The following ERC1 variants were observed in gnomAD, a reference collection of about 807,000 sequenced individuals.
ERC1 encodes ELKS/RAB6-interacting/CAST family member 1.
ERC1 carries 56 observed loss-of-function variants against 132.0 expected under a neutral mutation model. That is an observed-to-expected ratio of 0.42 (90% CI 0.34 to 0.53). ERC1 has a LOEUF of 0.53. Among genes scored for constraint, ERC1 ranks in the 20% least tolerant of loss-of-function variants. The pLI is 0.03. For synonymous variants in ERC1, 478 were observed against 476.1 expected (o/e 1.00, Z -0.05); for missense variants, 1,202 against 1,349.9 (o/e 0.89, Z 1.72).
intron 14 of ERC1, among the ~76,000 whole-genome samples, chr12:1,287,744 T>A (rs1396289191): frequency 6.6e-6 from 1 of 152,206 alleles, no homozygotes; most frequent in Non-Finnish European, 1.5e-5. Context: ...TGGATTTGGG[T>A]TGGAACTATG....
intron 16 of ERC1, chr12:1,380,804 A>C (rs1408983201): frequency 1.3e-5 from 2 of 152,270 alleles, no homozygotes; most frequent in Non-Finnish European, 2.9e-5. Flanking sequence ...CATACTATTA[A>C]AACTGTTTTA....
intron 18 of ERC1, among the ~76,000 whole-genome samples, chr12:1,477,297 G>A (rs371417490): frequency 1.3e-5 from 2 of 152,142 alleles, no homozygotes; most frequent in African/African-American, 4.8e-5. Context: ...AATAATACTT[G>A]GCCCATAATA....
At chr12:1,026,330 G>GA (rs1282034965) in intron 1 of ERC1, among the ~76,000 whole-genome samples, 3 of 152,182 alleles carry the variant, frequency 2.0e-5, no homozygotes, top group Admixed American at 2.0e-4. Context: ...CCCCACCCTT[G>GA]ATACATGAAG....
intron 11 of ERC1, among the ~76,000 whole-genome samples, chr12:1,185,365 CT>C (rs141857684): frequency 2.4e-4 from 35 of 148,140 alleles, no homozygotes; most frequent in East Asian, 5.9e-4. Flanking sequence ...ATGCTTAATG[CT>C]TTTTTTTTTC....
Position 1,110,281 on chromosome 12 carries a change from G to C in ERC1, c.1251G>C (p.Glu417Asp). ...AATCGAATGGTGCTTTGAGTACTGAGGAAAGGGAAGAAGAAATGAAGCAAA... is the reference window on the plus strand; with the variant it reads ...AATCGAATGGTGCTTTGAGTACTGACGAAAGGGAAGAAGAAATGAAGCAAA... ...MLKSNGALST[E>D]EREEEMKQME... Residue 417 changes from glutamate (E) to aspartate (D), a missense_variant, in exon 5 of 19, where the codon GAG (glutamate) becomes GAC (aspartate). Physicochemically the swap from Glu to Asp is conservative, Grantham distance 45. Coordinates refer to ENST00000360905, the MANE Select transcript of ERC1 (RefSeq NM_178040.4). 6.2e-7 allele frequency: 1 copy of C among 1,613,518 alleles called. No homozygotes were observed. Among genetic ancestry groups the C allele is most frequent in the Non-Finnish European group, 8.5e-7 (1 of 1,179,710 alleles).
intron 13 of ERC1, among the ~76,000 whole-genome samples, chr12:1,256,592 CTATTTA>C: frequency 6.6e-6 from 1 of 150,512 alleles, no homozygotes. Flanking sequence ...TGGTGTTGAA[CTATTTA>C]TGAATACGTT....
At chr12:1,400,223 A>G (rs572262749) in intron 16 of ERC1, among the ~76,000 whole-genome samples, 1 of 152,192 alleles carries the variant, frequency 6.6e-6, no homozygotes, top group South Asian at 2.1e-4. Context: ...CTATTTGTGA[A>G]TCTTCTTTGT....
intron 2 of ERC1, among the ~76,000 whole-genome samples, chr12:1,065,452 G>A (rs1396378157): frequency 7.3e-6 from 1 of 136,242 alleles, no homozygotes; most frequent in Non-Finnish European, 1.6e-5. Flanking sequence ...TTTCACTGAT[G>A]AATTGTTTTC....
chr12:1,347,511 T>C lies in ERC1; in HGVS notation c.2781-24322T>C, dbSNP rs145342342. Among the ~76,000 whole-genome samples the C allele has an allele frequency of 2.6e-3, 389 of 152,336 alleles. 1 individual carries two copies. The highest frequency in any genetic ancestry group is 0.02 in the Middle Eastern group (6 of 294). On this transcript the variant is annotated intron_variant, in intron 15 of 18. Coordinates refer to ENST00000360905, the MANE Select transcript of ERC1 (RefSeq NM_178040.4). Reference sequence around the variant, plus strand: ...ACTTAAAATCTATACTCAGCAATTTTCAAGATGTAGTAATTTCTATATAGA... The same window carrying C: ...ACTTAAAATCTATACTCAGCAATTTCCAAGATGTAGTAATTTCTATATAGA...
intron 18 of ERC1, among the ~76,000 whole-genome samples, chr12:1,451,484 A>G (rs115923428): frequency 0.013 from 2,016 of 152,070 alleles, 45 homozygotes; most frequent in African/African-American, 0.047. Flanking sequence ...ATTTAGCTGG[A>G]TACAGTGGTG....
chr12:1,179,750 G>A (rs538637339), intron 8 of ERC1, among the ~76,000 whole-genome samples: 3 of 152,138 alleles, frequency 2.0e-5, no homozygotes, highest in East Asian at 3.9e-4. Context: ...CTCGTGATCT[G>A]CCCGCCTCGG....
At chr12:1,441,849 T>G (rs923971515) in intron 17 of ERC1, among the ~76,000 whole-genome samples, 38 of 152,190 alleles carry the variant, frequency 2.5e-4, no homozygotes, top group African/African-American at 8.4e-4. Flanking sequence ...GCACAGAGTG[T>G]GCTTGCATTT....
chr12:1,014,442 T>C (rs1434857559), intron 1 of ERC1, among the ~76,000 whole-genome samples: 2 of 151,920 alleles, frequency 1.3e-5, no homozygotes, highest in Non-Finnish European at 2.9e-5. Context: ...TCTCAAAGTG[T>C]TGGGATTACA....
intron 1 of ERC1, among the ~76,000 whole-genome samples, chr12:992,968 A>T (rs1959949443): frequency 6.6e-6 from 1 of 152,240 alleles, no homozygotes; most frequent in Admixed American, 6.5e-5. Flanking sequence ...CTTGTAACCC[A>T]AAAGAGAAAT....
At chr12:1,393,884 C>T (rs1442968245) in intron 16 of ERC1, among the ~76,000 whole-genome samples, 7 of 150,800 alleles carry the variant, frequency 4.6e-5, no homozygotes, top group African/African-American at 9.7e-5. Flanking sequence ...AGTGTGGTGG[C>T]GGGCGCCTGT....
intron 17 of ERC1, among the ~76,000 whole-genome samples, chr12:1,421,292 C>T (rs1243757284): frequency 6.6e-6 from 1 of 152,176 alleles, no homozygotes; most frequent in Non-Finnish European, 1.5e-5. Context: ...ACTGAGACAG[C>T]AGCATTGCAG....
intron 16 of ERC1, among the ~76,000 whole-genome samples, chr12:1,373,399 G>T (rs897636250): frequency 6.6e-6 from 1 of 152,178 alleles, no homozygotes; most frequent in Non-Finnish European, 1.5e-5. Context: ...AAATAGAATT[G>T]AATATCTAGC....
At chr12:1,392,233 C>T (rs1207887479) in intron 16 of ERC1, among the ~76,000 whole-genome samples, 3 of 152,122 alleles carry the variant, frequency 2.0e-5, no homozygotes, top group Admixed American at 2.0e-4. Flanking sequence ...ACCTACTCAA[C>T]AGGAGTTGCT....
At chr12:1,323,575 C>G (rs73034952) in intron 15 of ERC1, among the ~76,000 whole-genome samples, 5,259 of 152,212 alleles carry the variant, frequency 0.035, 94 homozygotes, top group Middle Eastern at 0.075. Flanking sequence ...TATGTTTGTA[C>G]AAGGAAATCA....
Sources: allele counts gnomAD v4.1 joint callset (sites outside exome capture counted in the v4.1 genomes callset), GRCh38; gene constraint gnomAD v4.1.1; transcripts MANE v1.5; gene names NCBI Gene and HGNC (gene_info 2026-07-23, HGNC 2026-07-21).